The following SGCD variants were observed in gnomAD, a reference collection of about 807,000 sequenced individuals.
SGCD encodes delta-sarcoglycan.
In SGCD, 18 loss-of-function variants were observed where a neutral mutation model predicts 36.6. The observed-to-expected ratio is 0.49, with a 90% CI of 0.34 to 0.73. The LOEUF is 0.73. Ranked by LOEUF, SGCD falls within the 30% of genes least tolerant of loss-of-function variation. The pLI, the probability that SGCD is intolerant of heterozygous loss-of-function variation, is 0.01. For missense variants in SGCD, 387 were observed against 346.7 expected, an observed-to-expected ratio of 1.12 and a Z score of -0.92; for synonymous variants, 133 against 130.6, an observed-to-expected ratio of 1.02 and a Z score of -0.12.
chr5:155,821,759 A>G, the SGCD span, among the ~76,000 whole-genome samples: 3 of 152,248 alleles, frequency 2.0e-5, no homozygotes, highest in African/African-American at 7.2e-5. Context: ...AAGGAGCAAT[A>G]CTATTTAATC....
intron 3 of SGCD, among the ~76,000 whole-genome samples, chr5:156,453,072 T>G (rs993763293): frequency 6.6e-6 from 1 of 152,164 alleles, no homozygotes; most frequent in African/African-American, 2.4e-5. Flanking sequence ...TCTAAAAATG[T>G]CATTGCCAGA....
chr5:156,259,993 T>C (rs889639734), intron 3 of SGCD, among the ~76,000 whole-genome samples: 1 of 152,224 alleles, frequency 6.6e-6, no homozygotes, highest in Non-Finnish European at 1.5e-5. Flanking sequence ...CTCTCAGGTA[T>C]TCTGTTATAG....
the SGCD span, among the ~76,000 whole-genome samples, chr5:155,833,402 C>A: frequency 7.2e-5 from 11 of 152,062 alleles, no homozygotes; most frequent in Non-Finnish European, 1.6e-4. Flanking sequence ...AAGCAAGTAT[C>A]CCTTTTATTT....
At chr5:156,614,404 T>C (rs1422974599) in intron 6 of SGCD, among the ~76,000 whole-genome samples, 1 of 152,164 alleles carries the variant, frequency 6.6e-6, no homozygotes, top group Non-Finnish European at 1.5e-5. Context: ...TTTCCGAAAC[T>C]CCACGGCACA....
the SGCD span, among the ~76,000 whole-genome samples, chr5:155,839,230 G>T: frequency 1.4e-4 from 22 of 152,290 alleles, no homozygotes; most frequent in South Asian, 3.5e-3. Flanking sequence ...TCTGCACCTG[G>T]CGAGAAAAGG....
intron 7 of SGCD, among the ~76,000 whole-genome samples, chr5:156,704,761 T>A (rs1186849312): frequency 6.6e-6 from 1 of 152,124 alleles, no homozygotes; most frequent in African/African-American, 2.4e-5. Flanking sequence ...CTGTATAATA[T>A]TAAAATACAG....
chr5:156,531,155 C>T (rs886576630), intron 4 of SGCD, among the ~76,000 whole-genome samples: 1 of 152,162 alleles, frequency 6.6e-6, no homozygotes, highest in Non-Finnish European at 1.5e-5. Flanking sequence ...TTAGCCTCTC[C>T]TGTCTCCTCT....
chr5:156,727,063 A>G (rs1238206021), intron 7 of SGCD, among the ~76,000 whole-genome samples: 1 of 152,228 alleles, frequency 6.6e-6, no homozygotes, highest in Non-Finnish European at 1.5e-5. Flanking sequence ...GGACCATTGC[A>G]ATAGGTTCAG....
At chr5:156,616,001 A>G (rs1343918926) in intron 6 of SGCD, among the ~76,000 whole-genome samples, 1 of 152,198 alleles carries the variant, frequency 6.6e-6, no homozygotes, top group Non-Finnish European at 1.5e-5. Context: ...ATCCAATTCA[A>G]AGGGAGAGGC....
chr5:156,526,814 CAG>C (rs1757660623), intron 4 of SGCD, among the ~76,000 whole-genome samples: 1 of 152,080 alleles, frequency 6.6e-6, no homozygotes, highest in Non-Finnish European at 1.5e-5. Flanking sequence ...TTCGGGAAAA[CAG>C]AGATACGTAT....
intron 4 of SGCD, among the ~76,000 whole-genome samples, chr5:156,543,356 A>G (rs1444414644): frequency 6.6e-6 from 1 of 152,220 alleles, no homozygotes; most frequent in Non-Finnish European, 1.5e-5. Flanking sequence ...TTCATCTAAC[A>G]GGTGCTTGCT....
intron 1 of SGCD, among the ~76,000 whole-genome samples, chr5:156,077,706 A>G (rs918556718): frequency 2.6e-5 from 4 of 152,098 alleles, no homozygotes; most frequent in African/African-American, 7.2e-5. Context: ...TGACTCCTCA[A>G]TACCACACCC....
intron 3 of SGCD, among the ~76,000 whole-genome samples, chr5:156,360,630 T>G (rs1162615075): frequency 6.6e-6 from 1 of 152,048 alleles, no homozygotes; most frequent in Admixed American, 6.5e-5. Context: ...TCCCATCCTG[T>G]GCCTATAAAG....
At chr5:155,959,840 T>G (rs1757754560) in intron 1 of SGCD, among the ~76,000 whole-genome samples, 1 of 152,076 alleles carries the variant, frequency 6.6e-6, no homozygotes, top group African/African-American at 2.4e-5. Context: ...TTTGCCCACA[T>G]TTTTTCAACT....
In SGCD at chr5:156,436,269, A is replaced by G. The variant is rs1475775332; in HGVS notation, c.193-72332A>G. ...AATTTCTTAGGTTATCACACACTATAAGATTTTAAAATGCTATGTTGTTCT... is the reference window on the plus strand; with the variant it reads ...AATTTCTTAGGTTATCACACACTATGAGATTTTAAAATGCTATGTTGTTCT... On this transcript the variant is annotated intron_variant, in intron 3 of 8. Transcript: ENST00000337851. Among the ~76,000 whole-genome samples the G allele has an allele frequency of 2.0e-5, 3 of 152,236 alleles. No homozygotes were observed. The East Asian group carries it at 5.8e-4, about 29-fold the overall frequency.
chr5:156,508,549 T>C, intron 3 of SGCD, 52 bp from the exon 4 acceptor site: 1 of 1,149,274 alleles, frequency 8.7e-7, no homozygotes, highest in Non-Finnish European at 1.3e-6. Flanking sequence ...CTGAGGTGTT[T>C]TGAAATTTTG....
intron 7 of SGCD, among the ~76,000 whole-genome samples, chr5:156,677,917 C>T (rs772436455): frequency 3.9e-5 from 6 of 152,166 alleles, no homozygotes; most frequent in Non-Finnish European, 5.9e-5. Context: ...ACACCTATCT[C>T]CATGGCCTTT....
chr5:156,015,822 C>A (rs1758963121), intron 1 of SGCD, among the ~76,000 whole-genome samples: 1 of 150,072 alleles, frequency 6.7e-6, no homozygotes, highest in African/African-American at 2.4e-5. Context: ...ACACACAGTG[C>A]ACTGCATTGG....
At chr5:155,838,314 A>G in the SGCD span, among the ~76,000 whole-genome samples, 1 of 152,172 alleles carries the variant, frequency 6.6e-6, no homozygotes. Flanking sequence ...GGATTCAAAA[A>G]AGGTCCTCAC....
Sources: allele counts gnomAD v4.1 joint callset (sites outside exome capture counted in the v4.1 genomes callset), GRCh38; gene constraint gnomAD v4.1.1; transcripts MANE v1.5; gene names NCBI Gene and HGNC (gene_info 2026-07-23, HGNC 2026-07-21).